The following ADAMTS18 variants were observed in gnomAD, a reference collection of about 807,000 sequenced individuals.
ADAMTS18 encodes the protein A disintegrin and metalloproteinase with thrombospondin motifs 18.
ADAMTS18 carries 157 observed loss-of-function variants against 165.9 expected under a neutral mutation model. The observed-to-expected ratio is 0.95, with a 90% CI of 0.83 to 1.08. The LOEUF (loss-of-function observed/expected upper bound fraction) is 1.08. Among genes scored for constraint, ADAMTS18 ranks in the 50% least tolerant of loss-of-function variants. The probability of loss-of-function intolerance (pLI) is 0.00; values close to 1 mark genes in which losing one functional copy is unlikely to be tolerated. For missense variants in ADAMTS18, 2,040 were observed against 1,534.0 expected, an observed-to-expected ratio of 1.33 and a Z score of -5.51; for synonymous variants, 782 against 578.2, an observed-to-expected ratio of 1.35 and a Z score of -5.06.
chr16:77,423,604 T>G (rs2057632404), intron 3 of ADAMTS18, among the ~76,000 whole-genome samples: 1 of 152,164 alleles, frequency 6.6e-6, no homozygotes, highest in Non-Finnish European at 1.5e-5. Context: ...TTCCCTGTGT[T>G]ACGTAGCTAG....
At chr16:77,370,665 G>A (rs988642411) in intron 3 of ADAMTS18, among the ~76,000 whole-genome samples, 1 of 152,010 alleles carries the variant, frequency 6.6e-6, no homozygotes. Flanking sequence ...CAGGAGAATC[G>A]CTTGAACTCA....
intron 10 of ADAMTS18, among the ~76,000 whole-genome samples, chr16:77,344,121 G>A (rs1223082611): frequency 7.0e-6 from 1 of 142,812 alleles, no homozygotes. Context: ...ATATATATAT[G>A]TATGTATACA....
At chr16:77,383,806 G>A (rs745717892) in intron 3 of ADAMTS18, among the ~76,000 whole-genome samples, 14 of 152,114 alleles carry the variant, frequency 9.2e-5, no homozygotes, top group African/African-American at 1.4e-4. Flanking sequence ...CTCCCAAAGC[G>A]CTGGGATTAT....
At position 77,300,121 on chromosome 16, in the gene ADAMTS18, T is replaced by A. The variant is rs1429616605; in HGVS notation, c.2674+142A>T. On this transcript the variant is annotated intron_variant, in intron 17 of 22. Transcript: ENST00000282849. ...GGAAAACCCTTAACTAATGCCATAA[T>A]ATTTGCTTTTATGGTGATGGTTCTC... 1.9e-5 allele frequency: 18 copies of A among 942,036 alleles called. No individual in the cohort carries two copies. The East Asian group carries it at 4.7e-4, about 25-fold the overall frequency. The allele number at this position is 942,036 out of a possible 1,614,324, so 58.4% of individuals were successfully genotyped here.
chr16:77,339,447 C>A (rs548645241), intron 11 of ADAMTS18, among the ~76,000 whole-genome samples: 1 of 152,046 alleles, frequency 6.6e-6, no homozygotes, highest in East Asian at 1.9e-4. Flanking sequence ...AAGCCTAACA[C>A]AAGTACGTTT....
At chr16:77,385,719 G>C (rs78213651) in intron 3 of ADAMTS18, among the ~76,000 whole-genome samples, 3,901 of 152,250 alleles carry the variant, frequency 0.026, 162 homozygotes, top group African/African-American at 0.086. Context: ...GTGCACAGTG[G>C]AGCTGGATGA....
At chr16:77,410,746 C>G (rs1158855132) in intron 3 of ADAMTS18, among the ~76,000 whole-genome samples, 1 of 152,146 alleles carries the variant, frequency 6.6e-6, no homozygotes. Flanking sequence ...AAAGGAGAAA[C>G]TAATAACACT....
intron 11 of ADAMTS18, among the ~76,000 whole-genome samples, chr16:77,341,430 C>A (rs1371580738): frequency 2.6e-5 from 4 of 151,952 alleles, no homozygotes; most frequent in Non-Finnish European, 5.9e-5. Context: ...TGCAATGAAA[C>A]CTGTAAGCTC....
chr16:77,325,691 AC>A (rs978012536), intron 13 of ADAMTS18, among the ~76,000 whole-genome samples, 174 bp downstream of exon 13: 1 of 151,530 alleles, frequency 6.6e-6, no homozygotes, highest in African/African-American at 2.4e-5. Flanking sequence ...AAAAAAAAAA[AC>A]AACAGTGGAA....
At chr16:77,425,224 TG>T (rs1567558033) in intron 3 of ADAMTS18, among the ~76,000 whole-genome samples, 1 of 151,970 alleles carries the variant, frequency 6.6e-6, no homozygotes, top group Non-Finnish European at 1.5e-5. Context: ...CAGCCAGCCA[TG>T]GGGGAGAAAC....
At chr16:77,290,078 A>T (rs1283181154) in intron 21 of ADAMTS18, among the ~76,000 whole-genome samples, 1 of 152,204 alleles carries the variant, frequency 6.6e-6, no homozygotes. Flanking sequence ...AAGTTACTAC[A>T]TTAATTTTTC....
At chr16:77,389,068 G>C (rs577174123) in intron 3 of ADAMTS18, among the ~76,000 whole-genome samples, 2 of 152,202 alleles carry the variant, frequency 1.3e-5, no homozygotes, top group African/African-American at 4.8e-5. Flanking sequence ...GGGAGGCCAA[G>C]GTTGGTGGAT....
At chr16:77,379,497 T>C (rs1362582057) in intron 3 of ADAMTS18, among the ~76,000 whole-genome samples, 4 of 152,154 alleles carry the variant, frequency 2.6e-5, no homozygotes, top group Admixed American at 2.6e-4. Flanking sequence ...TTTTATTTTA[T>C]TTATTTTTTG....
chr16:77,402,350 C>T (rs1292378024), intron 3 of ADAMTS18, among the ~76,000 whole-genome samples: 1 of 152,166 alleles, frequency 6.6e-6, no homozygotes, highest in Non-Finnish European at 1.5e-5. Flanking sequence ...CACTCCTGTC[C>T]TCTTCTGGAA....
intron 11 of ADAMTS18, 30 bp downstream of exon 11, chr16:77,341,674 G>A (rs113097720): frequency 0.032 from 50,981 of 1,573,456 alleles, 984 homozygotes; most frequent in South Asian, 0.053. Flanking sequence ...CAAATTTCTG[G>A]AGCTAAAAAC....
intron 18 of ADAMTS18, among the ~76,000 whole-genome samples, chr16:77,295,500 C>A (rs2055452422): frequency 6.6e-6 from 1 of 152,188 alleles, no homozygotes; most frequent in South Asian, 2.1e-4. Context: ...CATTAAGGAG[C>A]CTATAACACA....
At chr16:77,316,946 G>T (rs1038964023) in intron 16 of ADAMTS18, among the ~76,000 whole-genome samples, 2 of 151,736 alleles carry the variant, frequency 1.3e-5, no homozygotes, top group Non-Finnish European at 2.9e-5. Flanking sequence ...GGATTACAGG[G>T]GTGAGCCACC....
Position 77,289,418 on chromosome 16 carries a change from C to G in ADAMTS18, c.3403-7G>C, listed in dbSNP as rs376483253. On this transcript the variant is annotated splice_polypyrimidine_tract_variant and splice_region_variant and intron_variant, in intron 21 of 22. Transcript: ENST00000282849. ...CCCCACAGGTGACTGTGCACTGCAG[C>G]AGAGAGAAGAGGAAGGAGTCAGAAA... 12 of 1,613,836 alleles carry G rather than the reference C, an allele frequency of 7.4e-6. No homozygotes were observed. Among genetic ancestry groups the G allele is most frequent in the Non-Finnish European group, 6.8e-6 (8 of 1,179,918 alleles).
intron 3 of ADAMTS18, among the ~76,000 whole-genome samples, chr16:77,393,254 G>A (rs1046110055): frequency 6.6e-6 from 1 of 152,122 alleles, no homozygotes; most frequent in East Asian, 1.9e-4. Context: ...TCGAAGTTCA[G>A]GGCAGTCATT....
Sources: gnomAD v4.1 joint callset for allele counts (sites outside exome capture counted in the v4.1 genomes callset) on GRCh38, gnomAD v4.1.1 for gene constraint, MANE v1.5 for transcripts, NCBI Gene and HGNC (gene_info 2026-07-23, HGNC 2026-07-21) for gene names.